ZNF221: variants seen among roughly 807,000 people sequenced by gnomAD.
ZNF221 encodes the protein zinc finger protein 221.
In ZNF221, 10 loss-of-function variants were observed where a neutral mutation model predicts 12.6. The ratio of observed to expected loss-of-function variants is 0.79; its 90% CI spans 0.49 to 1.34. The LOEUF is 1.34. Among genes scored for constraint, ZNF221 ranks in the 40% most tolerant of loss-of-function variants. The probability of loss-of-function intolerance (pLI) is 0.00; values close to 1 mark genes in which losing one functional copy is unlikely to be tolerated. For synonymous variants in ZNF221, 232 were observed against 244.0 expected (o/e 0.95, Z 0.46); for missense variants, 661 against 721.4 (o/e 0.92, Z 0.96).
Position 43,966,160 on chromosome 19 carries a change from C to T in ZNF221, c.658C>T (p.His220Tyr). The T allele has an allele frequency of 6.2e-7, 1 of 1,614,154 alleles. No homozygotes were observed. ...SPALHIHQRV[H>Y]MGEKCYKCDV... ...AGCCCTTCATATTCATCAGAGAGTC[C>T]ATATGGGAGAAAAATGCTATAAGTG... Residue 220 changes from histidine to tyrosine, a missense_variant, in exon 5 of 5, where the codon CAT becomes TAT. Coordinates refer to ENST00000587682, the MANE Select transcript of ZNF221 (RefSeq NM_001297588.2).
downstream of ZNF221, among the ~76,000 whole-genome samples, chr19:43,968,638 G>A (rs1240093806): frequency 6.6e-6 from 1 of 152,218 alleles, no homozygotes; most frequent in Non-Finnish European, 1.5e-5. Context: ...TCATACAGAG[G>A]AATGAAAATG....
At chr19:43,979,619 G>A in the ZNF221 span, among the ~76,000 whole-genome samples, 2 of 152,082 alleles carry the variant, frequency 1.3e-5, no homozygotes, top group African/African-American at 4.8e-5. Flanking sequence ...GTGGGTTAGT[G>A]TTCCATCTGA....
intron 1 of ZNF221, among the ~76,000 whole-genome samples, chr19:43,951,896 C>T (rs376024267): frequency 9.0e-4 from 92 of 102,174 alleles, no homozygotes; most frequent in African/African-American, 3.6e-3. Context: ...TTTTTTGAGA[C>T]GGAGTCTCGC....
At chr19:43,968,762 C>T (rs2083869384), downstream of ZNF221, among the ~76,000 whole-genome samples, 1 of 152,214 alleles carries the variant, frequency 6.6e-6, no homozygotes, top group African/African-American at 2.4e-5. Context: ...TTATGGCCCA[C>T]TTGGTGTGGC....
chr19:43,966,105 T>C lies in ZNF221; in HGVS notation c.603T>C (p.Gly201=), dbSNP rs1974946016. ...CAGGAGAGAAATCTCATACATGTGG[T>C]GAGTGTGGAAAAAGCTTCTGTTACA... ...SHSGEKSHTC[G]ECGKSFCYSP... Residue 201 remains glycine (G), a synonymous_variant, in exon 5 of 5, where the codon GGT becomes GGC. Coordinates refer to ENST00000587682, the MANE Select transcript of ZNF221 (RefSeq NM_001297588.2). The C allele has an allele frequency of 6.2e-7, 1 of 1,614,096 alleles. No individual in the cohort carries two copies. The highest frequency in any genetic ancestry group is 1.3e-5 in the African/African-American group (1 of 74,938).
intron 4 of ZNF221, among the ~76,000 whole-genome samples, chr19:43,965,557 G>A (rs957118031): frequency 1.3e-5 from 2 of 152,116 alleles, no homozygotes; most frequent in Non-Finnish European, 2.9e-5. Flanking sequence ...AATTAGTAAC[G>A]GGTTAAGTGT....
At chr19:43,955,977 G>T (rs964559960) in intron 1 of ZNF221, among the ~76,000 whole-genome samples, 1 of 152,186 alleles carries the variant, frequency 6.6e-6, no homozygotes, top group Admixed American at 6.5e-5. Context: ...TTACCTAAGA[G>T]AGCATAGGTA....
chr19:43,962,683 C>T, intron 1 of ZNF221, 42 bp from the exon 2 acceptor site: 1 of 1,576,846 alleles, frequency 6.3e-7, no homozygotes, highest in Non-Finnish European at 8.7e-7. Context: ...TTCCTAGTTA[C>T]CATTTCCTGT....
At chr19:43,954,696 ATCCCTGCT>A (rs758447370) in intron 1 of ZNF221, among the ~76,000 whole-genome samples, 19 of 152,156 alleles carry the variant, frequency 1.2e-4, no homozygotes, top group Non-Finnish European at 2.4e-4. Flanking sequence ...CTTAGGAATC[ATCCCTGCT>A]TCCAACACTT....
intron 1 of ZNF221, chr19:43,961,927 G>T (rs1974849361): frequency 6.6e-6 from 1 of 152,082 alleles, no homozygotes; most frequent in African/African-American, 2.4e-5. Context: ...TCTCAACTTT[G>T]TTCACTTGGC....
At chr19:43,953,375 G>A (rs1974705827) in intron 1 of ZNF221, among the ~76,000 whole-genome samples, 1 of 152,026 alleles carries the variant, frequency 6.6e-6, no homozygotes, top group African/African-American at 2.4e-5. Flanking sequence ...ATACCTTCCT[G>A]GGTATGCCAC....
intron 1 of ZNF221, among the ~76,000 whole-genome samples, chr19:43,958,721 T>C (rs893300685): frequency 1.3e-5 from 2 of 152,236 alleles, no homozygotes; most frequent in African/African-American, 4.8e-5. Context: ...GCATTTTCTA[T>C]ACAAGATTAA....
intron 4 of ZNF221, among the ~76,000 whole-genome samples, chr19:43,965,584 A>G (rs1261286907): frequency 1.3e-5 from 2 of 152,224 alleles, no homozygotes; most frequent in Non-Finnish European, 2.9e-5. Flanking sequence ...GTTATTAATT[A>G]TTTAATTCAG....
the ZNF221 span, among the ~76,000 whole-genome samples, chr19:43,977,930 CAA>C: frequency 6.6e-6 from 1 of 152,086 alleles, no homozygotes; most frequent in East Asian, 1.9e-4. Context: ...ATTACAGTGA[CAA>C]GATACAAAAC....
chr19:43,965,326 G>A lies in ZNF221; in HGVS notation c.301+1G>A. The A allele has an allele frequency of 2.5e-6, 4 of 1,610,990 alleles. No individual in the cohort carries two copies. Among genetic ancestry groups the A allele is most frequent in the Non-Finnish European group, 3.4e-6 (4 of 1,178,388 alleles). ...ACAAGCCAAAGAGAAGGGAATTCAG[G>A]TAAGAACCAAGTAACTGTGCATCCT... On this transcript the variant is annotated splice_donor_variant, in intron 4 of 4. Coordinates refer to ENST00000587682, the MANE Select transcript of ZNF221 (RefSeq NM_001297588.2). LOFTEE classifies it high-confidence loss of function.
At chr19:43,965,667 C>A in intron 4 of ZNF221, 137 bp from the exon 5 acceptor site, 2 of 780,724 alleles carry the variant, frequency 2.6e-6, no homozygotes, top group South Asian at 2.2e-5. Flanking sequence ...AAACCAAAGA[C>A]CATAGTGCAC....
At chr19:43,964,595 T>G (rs1307592261) in intron 2 of ZNF221, among the ~76,000 whole-genome samples, 1 of 141,898 alleles carries the variant, frequency 7.0e-6, no homozygotes, top group Non-Finnish European at 1.5e-5. Context: ...AAGTTGGGAC[T>G]AAACTTCTAA....
In ZNF221 at chr19:43,966,864, G is replaced by A. The variant is rs776486417; in HGVS notation, c.1362G>A (p.Glu454=). Reference sequence around the variant, plus strand: ...GAGAAAAGCCATATAACTGTGAGGAGTGTGGTAAGGACTATAAAAGGAGGT... The same window carrying A: ...GAGAAAAGCCATATAACTGTGAGGAATGTGGTAAGGACTATAAAAGGAGGT... ...HNGEKPYNCE[E]CGKDYKRRLD... Residue 454 remains glutamate, a synonymous_variant, in exon 5 of 5, where the codon GAG becomes GAA. Transcript: ENST00000587682. 8 of 1,614,250 alleles carry A rather than the reference G, an allele frequency of 5.0e-6. No individual in the cohort carries two copies. The East Asian group carries it at 6.7e-5, about 13-fold the overall frequency.
intron 1 of ZNF221, among the ~76,000 whole-genome samples, chr19:43,956,206 T>C (rs546766254): frequency 6.6e-6 from 1 of 152,358 alleles, no homozygotes; most frequent in Admixed American, 6.5e-5. Flanking sequence ...CTTCAGATTC[T>C]ATTCTACACT....
Sources: allele counts gnomAD v4.1 joint callset (sites outside exome capture counted in the v4.1 genomes callset), GRCh38; gene constraint gnomAD v4.1.1; transcripts MANE v1.5; gene names NCBI Gene and HGNC (gene_info 2026-07-23, HGNC 2026-07-21).